The following AAK1 variants were observed in gnomAD, a reference collection of about 807,000 sequenced individuals.
AAK1 encodes AP2 associated kinase 1.
Under a neutral mutation model 116.0 loss-of-function variants are expected in AAK1, and 37 were observed. The ratio of observed to expected loss-of-function variants is 0.32; its 90% confidence interval spans 0.25 to 0.42. AAK1 has a LOEUF of 0.42. Ranked by LOEUF, AAK1 falls within the 10% of genes least tolerant of loss-of-function variation. AAK1 has a pLI of 1.00. For missense variants in AAK1, 919 were observed against 1,170.6 expected (o/e 0.79, Z 3.14); for synonymous variants, 458 against 439.9 (o/e 1.04, Z -0.51).
At position 69,474,714 on chromosome 2, in the gene AAK1, A is replaced by G. The variant is rs2104879491; in HGVS notation, c.*1155T>C. On this transcript the variant is annotated 3_prime_UTR_variant, in exon 22 of 22. Coordinates refer to ENST00000409085, the MANE Select transcript of AAK1 (RefSeq NM_014911.5). ...AACAACATGCTTATTCTAGAGACAG[A>G]GGACCTGCTGAAAGCTTATAGCACA... 1.0e-6 allele frequency: 1 copy of G among 985,838 alleles called. No individual in the cohort carries two copies. The highest frequency in any genetic ancestry group is 1.7e-5 in the African/African-American group (1 of 57,354). The allele number at this position is 985,838 out of a possible 1,614,324, so 61.1% of individuals were successfully genotyped here. A position where few individuals can be genotyped will look rare whatever the true frequency, so the allele number is the denominator to read the frequency against.
intron 16 of AAK1, among the ~76,000 whole-genome samples, 196 bp downstream of exon 16, chr2:69,505,373 C>G (rs149077482): frequency 6.6e-6 from 1 of 151,882 alleles, no homozygotes; most frequent in Non-Finnish European, 1.5e-5. Context: ...GATCTTTATC[C>G]CTTTTTGATC....
At chr2:69,540,400 C>T (rs980589320) in intron 5 of AAK1, among the ~76,000 whole-genome samples, 2 of 152,182 alleles carry the variant, frequency 1.3e-5, no homozygotes, top group Non-Finnish European at 2.9e-5. Context: ...GGATTATAGG[C>T]ATGAGCCACC....
chr2:69,509,859 G>A (rs1235856539), intron 13 of AAK1, among the ~76,000 whole-genome samples: 1 of 152,088 alleles, frequency 6.6e-6, no homozygotes, highest in East Asian at 1.9e-4. Flanking sequence ...GCTTTCAAAG[G>A]GCAAGCAATA....
At chr2:69,503,968 C>T (rs2104954696) in intron 16 of AAK1, among the ~76,000 whole-genome samples, 1 of 149,102 alleles carries the variant, frequency 6.7e-6, no homozygotes, top group East Asian at 2.0e-4. Context: ...CATTGCACTC[C>T]AGCCCCGGCA....
At chr2:69,490,412 T>C (rs960137161) in intron 17 of AAK1, among the ~76,000 whole-genome samples, 1 of 152,156 alleles carries the variant, frequency 6.6e-6, no homozygotes, top group African/African-American at 2.4e-5. Flanking sequence ...GCAACCCAAG[T>C]GTCCATTAAC....
chr2:69,485,857 C>T (rs1238520162), intron 17 of AAK1, among the ~76,000 whole-genome samples: 2 of 151,972 alleles, frequency 1.3e-5, no homozygotes, highest in East Asian at 3.9e-4. Context: ...TGGGGTTTCA[C>T]TATGATGGCC....
At chr2:69,592,783 A>G (rs1254549014) in intron 2 of AAK1, among the ~76,000 whole-genome samples, 1 of 152,210 alleles carries the variant, frequency 6.6e-6, no homozygotes, top group African/African-American at 2.4e-5. Flanking sequence ...CTCATTTAAC[A>G]TCTCTTCTTC....
intron 2 of AAK1, among the ~76,000 whole-genome samples, chr2:69,604,696 T>C (rs1673722342): frequency 6.6e-6 from 1 of 152,222 alleles, no homozygotes; most frequent in South Asian, 2.1e-4. Flanking sequence ...TGAGGATGAC[T>C]GGGGAAGTGG....
Position 69,465,533 on chromosome 2 carries a change from T to C in AAK1, c.*10336A>G. Reference sequence around the variant, plus strand: ...GGGATGTGATAGAAACAGACCCAGCTATCGACTGCTTGTTGGTTTGTGAAA... The same window carrying C: ...GGGATGTGATAGAAACAGACCCAGCCATCGACTGCTTGTTGGTTTGTGAAA... On this transcript the variant is annotated 3_prime_UTR_variant, in exon 22 of 22. Coordinates refer to ENST00000409085, the MANE Select transcript of AAK1 (RefSeq NM_014911.5). 1 of 1,290,940 alleles carries C rather than the reference T, an allele frequency of 7.7e-7. No homozygotes were observed. The highest frequency in any genetic ancestry group is 1.2e-5 in the South Asian group (1 of 81,026). 80.0% of individuals were successfully genotyped at this position (1,290,940 alleles called of 1,614,324 possible).
intron 4 of AAK1, 48 bp downstream of exon 4, chr2:69,544,388 C>G: frequency 6.9e-7 from 1 of 1,457,696 alleles, no homozygotes; most frequent in South Asian, 1.2e-5. Flanking sequence ...CCATGACAAT[C>G]AAAATGCTAG....
At chr2:69,613,185 G>A (rs987552219) in intron 2 of AAK1, among the ~76,000 whole-genome samples, 1 of 152,132 alleles carries the variant, frequency 6.6e-6, no homozygotes, top group Non-Finnish European at 1.5e-5. Context: ...CAAATCATGG[G>A]GCCAATGATC....
At chr2:69,640,909 C>T (rs2105276998) in intron 2 of AAK1, among the ~76,000 whole-genome samples, 2 of 152,292 alleles carry the variant, frequency 1.3e-5, no homozygotes, top group Middle Eastern at 6.8e-3. Flanking sequence ...TCTCTTAAAG[C>T]AGTTGGTAAA....
chr2:69,581,955 C>T (rs2105144847), intron 2 of AAK1, among the ~76,000 whole-genome samples: 1 of 151,974 alleles, frequency 6.6e-6, no homozygotes, highest in East Asian at 1.9e-4. Context: ...GCATTCCAGC[C>T]TGGGTGACAG....
In AAK1 at chr2:69,643,247, C is replaced by T. The variant is rs1237833724; in HGVS notation, c.-207G>A. The stretch of plus-strand genomic sequence containing the variant: ...ATCGCGCAGCGGGTCCCCTCCTCCT[C>T]CAGAAAGCGATTCGTGTAAGTTTAA... On this transcript the variant is annotated 5_prime_UTR_variant, in exon 2 of 22. Coordinates refer to ENST00000409085, the MANE Select transcript of AAK1 (RefSeq NM_014911.5). The T allele has an allele frequency of 7.1e-7, 1 of 1,409,636 alleles. No homozygotes were observed. The highest frequency in any genetic ancestry group is 9.2e-7 in the Non-Finnish European group (1 of 1,090,422). The allele number at this position is 1,409,636 out of a possible 1,614,324, so 87.3% of individuals were successfully genotyped here.
chr2:69,463,581 T>C lies in AAK1; in HGVS notation c.*12288A>G, dbSNP rs1272443143. On this transcript the variant is annotated 3_prime_UTR_variant, in exon 22 of 22. Coordinates refer to ENST00000409085, the MANE Select transcript of AAK1 (RefSeq NM_014911.5). ...GGCCAGAGTGCAGTGGCGCAATCTC[T>C]GCTCACTGCAACCTCTGCCTCCCGG... 6.6e-6 allele frequency: 1 copy of C among 152,312 alleles called. No individual in the cohort carries two copies. Among genetic ancestry groups the C allele is most frequent in the South Asian group, 2.1e-4 (1 of 4,830 alleles). 9.4% of individuals were successfully genotyped at this position (152,312 alleles called of 1,614,324 possible).
chr2:69,504,369 G>A (rs1676095509), intron 16 of AAK1, among the ~76,000 whole-genome samples: 1 of 129,492 alleles, frequency 7.7e-6, no homozygotes, highest in Non-Finnish European at 1.5e-5. Context: ...CTGCACTCCA[G>A]CCTGGGCGAC....
intron 2 of AAK1, among the ~76,000 whole-genome samples, chr2:69,590,019 G>C (rs1000481958): frequency 2.6e-5 from 4 of 152,246 alleles, no homozygotes; most frequent in Non-Finnish European, 4.4e-5. Flanking sequence ...CAGGGAATAA[G>C]TCAAAAAACC....
At chr2:69,584,697 C>T (rs1672689614) in intron 2 of AAK1, among the ~76,000 whole-genome samples, 1 of 152,196 alleles carries the variant, frequency 6.6e-6, no homozygotes. Flanking sequence ...AACTAGATTG[C>T]ACAAGGTGGT....
chr2:69,550,290 C>T (rs1671120646), intron 3 of AAK1, among the ~76,000 whole-genome samples: 1 of 152,108 alleles, frequency 6.6e-6, no homozygotes, highest in Non-Finnish European at 1.5e-5. Context: ...ATCCAAGTAA[C>T]TATAAAACAG....
Sources: gnomAD v4.1 joint callset for allele counts (sites outside exome capture counted in the v4.1 genomes callset) on GRCh38, gnomAD v4.1.1 for gene constraint, MANE v1.5 for transcripts, NCBI Gene and HGNC (gene_info 2026-07-23, HGNC 2026-07-21) for gene names.